Variants in ITCH observed in about 807,000 individuals in gnomAD.
ITCH encodes itchy E3 ubiquitin protein ligase.
In ITCH, 28 loss-of-function variants were observed where a neutral mutation model predicts 126.8. The observed-to-expected ratio is 0.22, with a 90% CI of 0.16 to 0.30. The LOEUF (loss-of-function observed/expected upper bound fraction) is 0.30, where lower values mean the gene tolerates loss of function less well. Among genes scored for constraint, ITCH ranks in the 10% least tolerant of loss-of-function variants. The pLI is 1.00. For synonymous variants in ITCH, 342 were observed against 340.0 expected (o/e 1.01, Z -0.06); for missense variants, 631 against 1,032.4 (o/e 0.61, Z 5.33).
chr20:34,397,068 G>C (rs1250099819), intron 3 of ITCH, among the ~76,000 whole-genome samples: 1 of 151,938 alleles, frequency 6.6e-6, no homozygotes, highest in Non-Finnish European at 1.5e-5. Flanking sequence ...CTGTCGCCCA[G>C]GCTGGAGTGC....
chr20:34,459,479 G>A (rs144771486), intron 13 of ITCH, among the ~76,000 whole-genome samples: 102 of 152,244 alleles, frequency 6.7e-4, no homozygotes, highest in African/African-American at 2.3e-3. Context: ...CCACAGCCTT[G>A]ACTGTCCAGT....
chr20:34,472,153 A>C (rs531988352), intron 16 of ITCH, among the ~76,000 whole-genome samples: 1 of 152,222 alleles, frequency 6.6e-6, no homozygotes, highest in African/African-American at 2.4e-5. Context: ...AGGCGGGTAC[A>C]TCACCTGAGG....
At chr20:34,419,119 G>C (rs1373906334) in intron 6 of ITCH, among the ~76,000 whole-genome samples, 1 of 152,074 alleles carries the variant, frequency 6.6e-6, no homozygotes, top group Non-Finnish European at 1.5e-5. Flanking sequence ...GAGAGGTACT[G>C]TAAAAATTGA....
At position 34,479,617 on chromosome 20, in the gene ITCH, C is replaced by G; in HGVS notation, c.1659-13C>G. 6.2e-7 allele frequency: 1 copy of G among 1,612,278 alleles called. No homozygotes were observed. Among genetic ancestry groups the G allele is most frequent in the Non-Finnish European group, 8.5e-7 (1 of 1,178,616 alleles). Reference sequence around the variant, plus strand: ...TACAAGATTTTTCATCGTAAATTTTCTTTTGATTTCAGAGAATGGTTCTTT... The same window carrying G: ...TACAAGATTTTTCATCGTAAATTTTGTTTTGATTTCAGAGAATGGTTCTTT... On this transcript the variant is annotated splice_polypyrimidine_tract_variant and intron_variant, in intron 17 of 24. Transcript: ENST00000374864.
chr20:34,368,898 A>G (rs185270950), intron 1 of ITCH, among the ~76,000 whole-genome samples: 62 of 152,290 alleles, frequency 4.1e-4, no homozygotes, highest in African/African-American at 1.4e-3. Context: ...GTGTCTTCCC[A>G]TAATACGTAT....
intron 3 of ITCH, among the ~76,000 whole-genome samples, chr20:34,400,444 A>G (rs544222793): frequency 5.3e-5 from 8 of 152,048 alleles, no homozygotes; most frequent in Non-Finnish European, 1.0e-4. Flanking sequence ...CACATGAAAG[A>G]AGAGAGTACA....
intron 14 of ITCH, 72 bp downstream of exon 14, chr20:34,462,293 T>C: frequency 6.8e-7 from 1 of 1,465,430 alleles, no homozygotes; most frequent in Non-Finnish European, 9.6e-7. Flanking sequence ...AGATTTGTAT[T>C]AGCAAGGAGT....
At chr20:34,500,150 C>T (rs1990159455) in intron 23 of ITCH, among the ~76,000 whole-genome samples, 1 of 152,158 alleles carries the variant, frequency 6.6e-6, no homozygotes, top group African/African-American at 2.4e-5. Flanking sequence ...AATGTGTATT[C>T]TGAAGCTGTT....
rs749322692 is a variant in ITCH, at chr20:34,372,975, C to CT, written c.-22+3521dup. ...TCCTTTAACATGATTGAATGTATTC[C>CT]TTTTTTTTTTTTTTTTGAGACGGAG... On this transcript the variant is annotated intron_variant, in intron 2 of 24. Transcript: ENST00000374864. Among the ~76,000 whole-genome samples the CT allele has an allele frequency of 5.9e-3, 817 of 139,194 alleles. 7 individuals carry two copies. The highest frequency in any genetic ancestry group is 0.013 in the African/African-American group (499 of 38,260). 91.3% of individuals were successfully genotyped at this position (139,194 alleles called of 152,430 possible).
At chr20:34,499,306 T>G (rs898818385) in intron 23 of ITCH, among the ~76,000 whole-genome samples, 59 of 135,718 alleles carry the variant, frequency 4.3e-4, no homozygotes, top group Non-Finnish European at 7.0e-4. Context: ...TTTTTTTTTT[T>G]GAGACAGTCT....
At position 34,398,720 on chromosome 20, in the gene ITCH, A is replaced by C. The variant is rs73255075; in HGVS notation, c.70+4839A>C. Among the ~76,000 whole-genome samples, 1,108 of 151,812 alleles carry C rather than the reference A, an allele frequency of 7.3e-3. 14 individuals carry two copies. Among genetic ancestry groups the C allele is most frequent in the African/African-American group, 0.025 (1,054 of 41,410 alleles). On this transcript the variant is annotated intron_variant, in intron 3 of 24. Transcript: ENST00000374864. ...GCCTTAAATATTCTCTTTTTTATAA[A>C]TTTTTTTCTTTTTCTTTTTTTAATT...
chr20:34,365,724 A>G (rs2037397682), intron 1 of ITCH, among the ~76,000 whole-genome samples: 1 of 152,188 alleles, frequency 6.6e-6, no homozygotes, highest in Non-Finnish European at 1.5e-5. Context: ...CCTAAAAAAT[A>G]CATCTTTTCA....
intron 24 of ITCH, among the ~76,000 whole-genome samples, chr20:34,506,871 T>A (rs1296292802): frequency 6.6e-6 from 1 of 152,226 alleles, no homozygotes; most frequent in Admixed American, 6.5e-5. Flanking sequence ...TATCTTTAAT[T>A]TTCATCCATG....
chr20:34,369,262 G>A, intron 1 of ITCH, 132 bp from the exon 2 acceptor site: 1 of 374,312 alleles, frequency 2.7e-6, no homozygotes, highest in African/African-American at 2.1e-5. Context: ...GAACCCAGGA[G>A]GCGAAGGTTG....
At position 34,489,243 on chromosome 20, in the gene ITCH, G is replaced by A. The variant is rs770368621; in HGVS notation, c.2094-23G>A. The A allele has an allele frequency of 8.7e-6, 14 of 1,610,384 alleles. No homozygotes were observed. In the East Asian group the frequency reaches 3.1e-4, roughly 36 times the overall value. On this transcript the variant is annotated intron_variant, in intron 20 of 24. Transcript: ENST00000374864. ...AGATAAGATCTAAACTTCCTGATAG[G>A]TTTTTTCATATTTGTTTGCCAGAAT...
At chr20:34,458,947 A>G (rs1376752387) in intron 13 of ITCH, among the ~76,000 whole-genome samples, 1 of 152,162 alleles carries the variant, frequency 6.6e-6, no homozygotes, top group Non-Finnish European at 1.5e-5. Flanking sequence ...ACAGTCTGTA[A>G]TACTATGCAT....
intron 2 of ITCH, among the ~76,000 whole-genome samples, chr20:34,379,048 A>G (rs1009827915): frequency 2.6e-5 from 4 of 152,172 alleles, no homozygotes; most frequent in Non-Finnish European, 5.9e-5. Flanking sequence ...TATATTCTGT[A>G]TATATTGAAA....
chr20:34,436,457 G>T (rs1040695618), intron 7 of ITCH, among the ~76,000 whole-genome samples: 4 of 152,134 alleles, frequency 2.6e-5, no homozygotes, highest in Admixed American at 6.5e-5. Flanking sequence ...GAGGCAATAC[G>T]CAGTCTTAAA....
chr20:34,457,602 AAG>A (rs1986129618), intron 13 of ITCH, 128 bp downstream of exon 13: 1 of 699,148 alleles, frequency 1.4e-6, no homozygotes, highest in African/African-American at 1.8e-5. Context: ...ATACTTTGGA[AAG>A]AGAAAATTAT....
Sources: gnomAD v4.1 joint callset for allele counts (sites outside exome capture counted in the v4.1 genomes callset) on GRCh38, gnomAD v4.1.1 for gene constraint, MANE v1.5 for transcripts, NCBI Gene and HGNC (gene_info 2026-07-23, HGNC 2026-07-21) for gene names.